BAG4: variants seen among roughly 807,000 people sequenced by gnomAD.
BAG4 encodes BAG family molecular chaperone regulator 4.
BAG4 carries 28 observed loss-of-function variants against 52.1 expected under a neutral mutation model. That is an observed-to-expected ratio of 0.54 (90% CI 0.40 to 0.74). The LOEUF is 0.74. Among genes scored for constraint, BAG4 ranks in the 30% least tolerant of loss-of-function variants. The pLI is 0.00. For synonymous variants in BAG4, 208 were observed against 217.0 expected (o/e 0.96, Z 0.37); for missense variants, 525 against 572.0 (o/e 0.92, Z 0.84).
At chr8:38,194,857 T>G (rs575806887) in intron 2 of BAG4, among the ~76,000 whole-genome samples, 24 of 149,606 alleles carry the variant, frequency 1.6e-4, no homozygotes, top group South Asian at 6.3e-4. Flanking sequence ...GTTTTTTTTT[T>G]TTTTTGTTTT....
At position 38,211,693 on chromosome 8, in the gene BAG4, C is replaced by T. The variant is rs1803871531; in HGVS notation, c.*1200C>T. 2 of 151,642 alleles carry T rather than the reference C, an allele frequency of 1.3e-5. No homozygotes were observed. 9.4% of individuals were successfully genotyped at this position (151,642 alleles called of 1,614,324 possible). A position where few individuals can be genotyped will look rare whatever the true frequency, so the allele number is the denominator to read the frequency against. ...AAAGGTAGATTTTATGTTTATTTCC[C>T]TAAATTGCATAAGATAAAATTGTCT... On this transcript the variant is annotated 3_prime_UTR_variant, in exon 5 of 5. Transcript: ENST00000287322.
chr8:38,190,617 T>G (rs888891439), intron 1 of BAG4, among the ~76,000 whole-genome samples: 43 of 151,206 alleles, frequency 2.8e-4, no homozygotes, highest in Admixed American at 1.2e-3. Flanking sequence ...TTTTTTTTTT[T>G]GGGTAAAGAC....
Position 38,210,323 on chromosome 8 carries a change from G to A in BAG4, c.1204G>A (p.Gly402Arg). 6.2e-7 allele frequency: 1 copy of A among 1,614,000 alleles called. No individual in the cohort carries two copies. Among genetic ancestry groups the A allele is most frequent in the Non-Finnish European group, 8.5e-7 (1 of 1,180,004 alleles). Residue 402 changes from glycine (G) to arginine (R), a missense_variant, in exon 5 of 5, where the codon GGA (glycine) becomes AGA (arginine). Gly to Arg is a moderately radical substitution (Grantham distance 125). Transcript: ENST00000287322. ...TGAACAAGAAGTAGAAGAATTTGTA[G>A]GAAAAAAGACAGACAAAGCATACTG... ...YLEQEVEEFV[G>R]KKTDKAYWLL...
intron 2 of BAG4, among the ~76,000 whole-genome samples, chr8:38,195,291 T>C (rs1452076843): frequency 6.6e-6 from 1 of 152,032 alleles, no homozygotes; most frequent in Non-Finnish European, 1.5e-5. Context: ...GCTGGGACCA[T>C]GGGTGCACAT....
Position 38,193,951 on chromosome 8 carries a change from A to G in BAG4, c.378+1156A>G, listed in dbSNP as rs1004429807. 2.0e-5 allele frequency among the ~76,000 whole-genome samples: 3 copies of G among 151,970 alleles called. No homozygotes were observed. The South Asian group carries it at 6.2e-4, about 32-fold the overall frequency. ...ATGGGGTTTCACCATGTTGGCCAGT[A>G]TGGTCTCAATCTCTTGACCTGGTGA... On this transcript the variant is annotated intron_variant, in intron 2 of 4. Coordinates refer to ENST00000287322, the MANE Select transcript of BAG4 (RefSeq NM_004874.4).
chr8:38,181,155 A>G (rs1803261355), intron 1 of BAG4, among the ~76,000 whole-genome samples: 1 of 149,764 alleles, frequency 6.7e-6, no homozygotes, highest in Non-Finnish European at 1.5e-5. Context: ...GTCAGCCAGG[A>G]TGGTATCGAT....
chr8:38,184,027 T>C (rs1432591570), intron 1 of BAG4, among the ~76,000 whole-genome samples: 1 of 152,176 alleles, frequency 6.6e-6, no homozygotes, highest in Non-Finnish European at 1.5e-5. Flanking sequence ...GAATTTGATT[T>C]AGGAAATTAG....
chr8:38,186,028 C>T (rs1803361076), intron 1 of BAG4, among the ~76,000 whole-genome samples: 1 of 152,176 alleles, frequency 6.6e-6, no homozygotes, highest in Admixed American at 6.5e-5. Flanking sequence ...TCCATGTATT[C>T]CACCTCATAG....
chr8:38,209,158 C>T lies in BAG4; in HGVS notation c.779C>T (p.Ser260Leu). ...GMGGRYPWPS[S>L]APSAPPGNLY... is the part of the protein sequence containing the mutation. ...GGTGGCCGTTATCCCTGGCCTTCAT[C>T]AGCGCCCTCAGCACCACCCGGCAAT... The change falls in exon 4 of 5, where the codon TCA (serine) becomes TTA (leucine). Residue 260 changes from serine to leucine, a missense_variant. Around this residue, in one of 2 missense-constraint regions of BAG4, gnomAD observed 238 missense variants for 305.8 expected, o/e 0.78. Coordinates refer to ENST00000287322, the MANE Select transcript of BAG4 (RefSeq NM_004874.4). The T allele has an allele frequency of 6.2e-7, 1 of 1,614,174 alleles. No homozygotes were observed. The highest frequency in any genetic ancestry group is 8.5e-7 in the Non-Finnish European group (1 of 1,180,044).
chr8:38,192,514 C>G (rs1462507046), intron 1 of BAG4, among the ~76,000 whole-genome samples, 174 bp from the exon 2 acceptor site: 1 of 151,984 alleles, frequency 6.6e-6, no homozygotes, highest in Non-Finnish European at 1.5e-5. Flanking sequence ...CTCAAGCGAT[C>G]CACCCACCTC....
At chr8:38,178,926 GGA>G (rs773706223) in intron 1 of BAG4, among the ~76,000 whole-genome samples, 3 of 152,038 alleles carry the variant, frequency 2.0e-5, no homozygotes, top group Non-Finnish European at 4.4e-5. Context: ...CTTGAGTCCA[GGA>G]GTTCGAGACC....
chr8:38,183,492 T>C (rs943204185), intron 1 of BAG4, among the ~76,000 whole-genome samples: 1 of 152,160 alleles, frequency 6.6e-6, no homozygotes, highest in African/African-American at 2.4e-5. Flanking sequence ...TTCCCTGTAT[T>C]CTTCTATTTA....
At chr8:38,189,760 C>T (rs1019969617) in intron 1 of BAG4, among the ~76,000 whole-genome samples, 7 of 152,338 alleles carry the variant, frequency 4.6e-5, no homozygotes, top group African/African-American at 1.7e-4. Context: ...TGGACTGGCA[C>T]ACTGTCACTT....
chr8:38,206,246 G>C (rs1171528744), intron 2 of BAG4, among the ~76,000 whole-genome samples: 1 of 150,124 alleles, frequency 6.7e-6, no homozygotes, highest in Non-Finnish European at 1.5e-5. Context: ...CTGCACTCCA[G>C]CCTGGGTGAC....
At chr8:38,206,013 G>C (rs1012823651) in intron 2 of BAG4, among the ~76,000 whole-genome samples, 3 of 150,938 alleles carry the variant, frequency 2.0e-5, no homozygotes, top group Admixed American at 1.3e-4. Context: ...CTCCTAGGCT[G>C]GATGCAGTAG....
At position 38,182,186 on chromosome 8, in the gene BAG4, TATG is replaced by T. The variant is rs551461495; in HGVS notation, c.270+5051_270+5053del. Among the ~76,000 whole-genome samples, 9 of 152,286 alleles carry T rather than the reference TATG, an allele frequency of 5.9e-5. No homozygotes were observed. In the South Asian group the frequency reaches 1.4e-3, roughly 25 times the overall value. On this transcript the variant is annotated intron_variant, in intron 1 of 4. Coordinates refer to ENST00000287322, the MANE Select transcript of BAG4 (RefSeq NM_004874.4). ...AAATGAGTTTGAAAAGTTAAAAAAT[TATG>T]ATGGTCAGTATAGGAGCATAAGGTG... is the stretch of plus-strand genomic sequence containing the variant.
intron 1 of BAG4, among the ~76,000 whole-genome samples, chr8:38,182,213 T>TCC: frequency 1.3e-5 from 2 of 152,344 alleles, no homozygotes; most frequent in South Asian, 4.1e-4. Context: ...GAGCATAAGG[T>TCC]GATTTGTTAG....
intron 2 of BAG4, chr8:38,201,735 C>G (rs1016484858): frequency 6.7e-6 from 1 of 150,050 alleles, no homozygotes; most frequent in Non-Finnish European, 1.5e-5. Context: ...GGTCATTCTT[C>G]TGTTTGGTTG....
chr8:38,203,526 G>A (rs1184441131), intron 2 of BAG4, among the ~76,000 whole-genome samples: 3 of 151,876 alleles, frequency 2.0e-5, no homozygotes, highest in Non-Finnish European at 2.9e-5. Flanking sequence ...CTCGTGATCC[G>A]CCCACCTTGG....
Sources: allele counts gnomAD v4.1 joint callset (sites outside exome capture counted in the v4.1 genomes callset), GRCh38; gene constraint gnomAD v4.1.1; regional missense constraint gnomAD v4.1.1; transcripts MANE v1.5; gene names NCBI Gene and HGNC (gene_info 2026-07-23, HGNC 2026-07-21).